The following PCGF3 variants were observed in gnomAD, a reference collection of about 807,000 sequenced individuals.
PCGF3 encodes the protein polycomb group ring finger 3.
A neutral mutation model predicts 33.1 loss-of-function variants in PCGF3; 7 were observed. That is an observed-to-expected ratio of 0.21 (90% confidence interval 0.12 to 0.40). PCGF3 has a LOEUF of 0.40. PCGF3 is among the 10% of genes least tolerant of loss of function. The pLI, the probability that PCGF3 is intolerant of heterozygous loss-of-function variation, is 1.00. For missense variants in PCGF3, 211 were observed against 313.3 expected (o/e 0.67, Z 2.46); for synonymous variants, 153 against 121.3 (o/e 1.26, Z -1.72).
chr4:729,432 T>A (rs751970520), intron 1 of PCGF3, among the ~76,000 whole-genome samples: 3 of 148,518 alleles, frequency 2.0e-5, no homozygotes, highest in Non-Finnish European at 3.0e-5. Flanking sequence ...AAAAAAGAAA[T>A]AATAATAATT....
intron 4 of PCGF3, 35 bp from the exon 5 acceptor site, chr4:734,896 G>C: frequency 6.2e-7 from 1 of 1,604,546 alleles, no homozygotes. Context: ...CCTGGCTCTA[G>C]ACGCTCTCCT....
chr4:721,901 G>A lies in PCGF3; in HGVS notation c.-189-8729G>A, dbSNP rs1215498621. ...ATGGGTGGCTCTGCGTGTGGGCGTGGAGAGAGGCCTGTGGGAGGTGGGTGG... is the reference window on the plus strand; with the variant it reads ...ATGGGTGGCTCTGCGTGTGGGCGTGAAGAGAGGCCTGTGGGAGGTGGGTGG... On this transcript the variant is annotated intron_variant, in intron 1 of 10. Transcript: ENST00000362003. The surrounding 1 kb of genome is among the most constrained non-coding windows in gnomAD (Gnocchi z 4.1). Among the ~76,000 whole-genome samples, 3 of 150,214 alleles carry A rather than the reference G, an allele frequency of 2.0e-5. No individual in the cohort carries two copies. The highest frequency in any genetic ancestry group is 7.5e-5 in the African/African-American group (3 of 39,744).
intron 1 of PCGF3, among the ~76,000 whole-genome samples, chr4:729,629 A>G (rs1743470203): frequency 6.6e-6 from 1 of 152,134 alleles, no homozygotes; most frequent in Admixed American, 6.5e-5. Context: ...CAAGTGCCTC[A>G]GACATGCCTG....
intron 6 of PCGF3, among the ~76,000 whole-genome samples, chr4:742,206 A>AGGGTCCCCTCCTCTCTCCCCAGGCTCTCG (rs1744125708): frequency 7.8e-6 from 1 of 128,118 alleles, no homozygotes; most frequent in African/African-American, 3.1e-5. Flanking sequence ...CCAGGCTCTC[A>AGGGTCCCCTCCTCTCTCCCCAGGCTCTCG]GGGTCCCCTC....
intron 6 of PCGF3, among the ~76,000 whole-genome samples, chr4:742,921 G>A (rs1002547565): frequency 6.6e-6 from 1 of 152,212 alleles, no homozygotes; most frequent in Non-Finnish European, 1.5e-5. Flanking sequence ...CGGGGCTCTC[G>A]GGCCCTCGAG....
chr4:743,882 C>G (rs1744203172), intron 7 of PCGF3: 1 of 277,540 alleles, frequency 3.6e-6, no homozygotes, highest in Admixed American at 4.9e-5. Flanking sequence ...GGTGAACTTC[C>G]TGAGACTTCA....
At chr4:731,179 C>T (rs576844359) in intron 3 of PCGF3, 69 bp downstream of exon 3, 128 of 398,464 alleles carry the variant, frequency 3.2e-4, no homozygotes, top group African/African-American at 1.9e-3. Context: ...CTGGTTGTGG[C>T]GAGGGCCGGC....
At chr4:738,254 C>T (rs1341327011) in intron 6 of PCGF3, among the ~76,000 whole-genome samples, 5 of 152,230 alleles carry the variant, frequency 3.3e-5, no homozygotes, top group South Asian at 2.1e-4. Flanking sequence ...ATGCCAGATC[C>T]GTAGAAACCG....
chr4:713,444 T>TGG (rs1404102317), intron 1 of PCGF3, among the ~76,000 whole-genome samples: 1 of 125,874 alleles, frequency 7.9e-6, no homozygotes, highest in Non-Finnish European at 1.7e-5. Flanking sequence ...CTCATGGGTC[T>TGG]TGTGTGCCTT....
intron 1 of PCGF3, among the ~76,000 whole-genome samples, chr4:716,332 AGT>A (rs1742836419): frequency 7.5e-6 from 1 of 133,208 alleles, no homozygotes; most frequent in Non-Finnish European, 1.6e-5. Context: ...GGACACTGCG[AGT>A]GTGAGAACTG....
At position 750,279 on chromosome 4, in the gene PCGF3, G is replaced by C. The variant is rs17721689; in HGVS notation, c.462+5591G>C. Among the ~76,000 whole-genome samples, 965 of 152,238 alleles carry C rather than the reference G, an allele frequency of 6.3e-3. 5 individuals are homozygous for C. The highest frequency in any genetic ancestry group is 1.0e-2 in the Non-Finnish European group (678 of 68,026). On this transcript the variant is annotated intron_variant, in intron 8 of 10. Transcript: ENST00000362003. ...AACATTTGAGTAACGTGGCCTTTTT[G>C]GGTTCCATCCACTCCTCTTTCTAGT...
At chr4:765,801 G>A (rs1323318612) in intron 10 of PCGF3, among the ~76,000 whole-genome samples, 3 of 152,088 alleles carry the variant, frequency 2.0e-5, no homozygotes, top group Non-Finnish European at 2.9e-5. Flanking sequence ...TGTGCACAGT[G>A]GTCACTGGGT....
chr4:711,199 G>A (rs914057555), intron 1 of PCGF3, among the ~76,000 whole-genome samples: 3 of 152,206 alleles, frequency 2.0e-5, no homozygotes, highest in East Asian at 3.9e-4. Context: ...GACCTCAGCC[G>A]CCCCTCCCAC....
In PCGF3 at chr4:733,249, G is replaced by A. The variant is rs550008189; in HGVS notation, c.-9-423G>A. Among the ~76,000 whole-genome samples the A allele has an allele frequency of 3.1e-4, 47 of 152,368 alleles. 2 individuals are homozygous for A. The highest frequency in any genetic ancestry group is 4.6e-4 in the Non-Finnish European group (31 of 68,018). On this transcript the variant is annotated intron_variant, in intron 3 of 10. Transcript: ENST00000362003. Reference sequence around the variant, plus strand: ...AAGGGTCGCGCTGTGAGCCGCAGAGGGTCCAGGTGCCCAGAGCCTGCCCAT... The same window carrying A: ...AAGGGTCGCGCTGTGAGCCGCAGAGAGTCCAGGTGCCCAGAGCCTGCCCAT...
intron 6 of PCGF3, among the ~76,000 whole-genome samples, chr4:742,140 T>C (rs1465777477): frequency 1.3e-5 from 2 of 149,288 alleles, no homozygotes; most frequent in Admixed American, 1.3e-4. Context: ...GCCCAGGCTC[T>C]CGGGGTCCCC....
intron 8 of PCGF3, among the ~76,000 whole-genome samples, chr4:753,063 C>T (rs1015041176): frequency 4.6e-5 from 7 of 152,264 alleles, no homozygotes; most frequent in Non-Finnish European, 7.3e-5. Context: ...GGAGGCCCCT[C>T]TGGGTGCTGA....
chr4:763,557 A>G (rs532410831), intron 9 of PCGF3, among the ~76,000 whole-genome samples: 1 of 152,372 alleles, frequency 6.6e-6, no homozygotes, highest in African/African-American at 2.4e-5. Flanking sequence ...GAAGGGCCAG[A>G]ATCCCAAGCA....
intron 1 of PCGF3, among the ~76,000 whole-genome samples, chr4:714,281 A>G (rs1212319235): frequency 1.3e-5 from 2 of 152,206 alleles, no homozygotes; most frequent in African/African-American, 4.8e-5. Flanking sequence ...CCGCCTGAAC[A>G]GACCAGGACG....
At chr4:736,606 G>A (rs1340540694) in intron 5 of PCGF3, among the ~76,000 whole-genome samples, 3 of 113,924 alleles carry the variant, frequency 2.6e-5, no homozygotes, top group Non-Finnish European at 5.6e-5. Flanking sequence ...TGGGGTGTCC[G>A]CAGGGACGGT....
Sources: gnomAD v4.1 joint callset for allele counts (sites outside exome capture counted in the v4.1 genomes callset) on GRCh38, gnomAD v4.1.1 for gene constraint, Gnocchi (gnomAD v3.1) non-coding constraint, MANE v1.5 for transcripts, NCBI Gene and HGNC (gene_info 2026-07-23, HGNC 2026-07-21) for gene names.